CSF3R: variants seen among roughly 807,000 people sequenced by gnomAD.
CSF3R encodes the protein granulocyte colony-stimulating factor receptor.
Under a neutral mutation model 84.4 loss-of-function variants are expected in CSF3R, and 52 were observed. The observed-to-expected ratio is 0.62, with a 90% CI of 0.49 to 0.78. The LOEUF is 0.78. CSF3R is among the 30% of genes least tolerant of loss of function. The pLI, the probability that CSF3R is intolerant of heterozygous loss-of-function variation, is 0.00. For missense variants in CSF3R, 890 were observed against 1,055.7 expected, an observed-to-expected ratio of 0.84 and a Z score of 2.17; for synonymous variants, 384 against 429.1, an observed-to-expected ratio of 0.89 and a Z score of 1.30.
At chr1:36,478,184 T>G (rs1651283582) in intron 3 of CSF3R, among the ~76,000 whole-genome samples, 1 of 152,176 alleles carries the variant, frequency 6.6e-6, no homozygotes, top group South Asian at 2.1e-4. Flanking sequence ...ACTAAAGATG[T>G]TTCTTACATT....
chr1:36,482,560 C>G (rs1651598086), intron 1 of CSF3R, among the ~76,000 whole-genome samples: 1 of 152,130 alleles, frequency 6.6e-6, no homozygotes, highest in Non-Finnish European at 1.5e-5. Context: ...ATGCCTGTCC[C>G]CAGCCCAGCT....
Position 36,466,345 on chromosome 1 carries a change from C to T in CSF3R, c.*12G>A. On this transcript the variant is annotated 3_prime_UTR_variant, in exon 17 of 17. Transcript: ENST00000373106. This position sits in a 1 kb window ranked among gnomAD's most constrained non-coding sequence, Gnocchi z 4.6. ...TTAAGAGGCAGGCCCAAGAAGGGAACCCCAGGAAGCCCTAGAAGCTCCCCA... is the reference window on the plus strand; with the variant it reads ...TTAAGAGGCAGGCCCAAGAAGGGAATCCCAGGAAGCCCTAGAAGCTCCCCA... The T allele has an allele frequency of 2.5e-6, 4 of 1,612,430 alleles. No individual in the cohort carries two copies. Among genetic ancestry groups the T allele is most frequent in the African/African-American group, 2.7e-5 (2 of 74,978 alleles).
chr1:36,473,390 T>C, intron 6 of CSF3R, 45 bp downstream of exon 6: 2 of 1,605,110 alleles, frequency 1.2e-6, no homozygotes, highest in Non-Finnish European at 8.5e-7. Context: ...TTCCTCTCAG[T>C]GTCTGCCCAT....
Position 36,467,229 on chromosome 1 carries a change from CCT to C in CSF3R, c.2039_2040del (p.Glu680GlyfsTer23), listed in dbSNP as rs1420932797. The stretch of plus-strand genomic sequence containing the variant: ...TTTCCCTCTCCCTCCTGGATTCTCA[CCT>C]CCTCCATGATTGTGGGCACCCAGGA... ...LGSWVPTIME[E>X]DAFQLPGLGT... On this transcript the variant is annotated frameshift_variant and splice_region_variant, in exon 16 of 17. Coordinates refer to ENST00000373106, the MANE Select transcript of CSF3R (RefSeq NM_000760.4). LOFTEE classifies it low-confidence loss of function (END_TRUNC). This position sits in a 1 kb window ranked among gnomAD's most constrained non-coding sequence, Gnocchi z 4.1. 6.2e-7 allele frequency: 1 copy of C among 1,614,160 alleles called. No homozygotes were observed. The highest frequency in any genetic ancestry group is 8.5e-7 in the Non-Finnish European group (1 of 1,179,976).
intron 3 of CSF3R, among the ~76,000 whole-genome samples, chr1:36,478,182 T>A (rs1217770034): frequency 3.3e-5 from 5 of 152,214 alleles, no homozygotes; most frequent in Non-Finnish European, 5.9e-5. Flanking sequence ...CAACTAAAGA[T>A]GTTTCTTACA....
chr1:36,469,357 A>G (rs1650554431), intron 11 of CSF3R, 100 bp from the exon 12 acceptor site: 1 of 950,444 alleles, frequency 1.1e-6, no homozygotes, highest in Non-Finnish European at 1.7e-6. Flanking sequence ...ACCTGGCCTC[A>G]TGATTCAGGG....
chr1:36,476,614 C>A (rs3917946), intron 3 of CSF3R, among the ~76,000 whole-genome samples: 4,150 of 151,200 alleles, frequency 0.027, 156 homozygotes, highest in African/African-American at 0.095. Flanking sequence ...GGATCTTTGT[C>A]CCTGCTGTTT....
In CSF3R at chr1:36,472,220, C is replaced by T. The variant is rs763592949; in HGVS notation, c.997+18G>A. 11 of 1,614,196 alleles carry T rather than the reference C, an allele frequency of 6.8e-6. No homozygotes were observed. The South Asian group carries it at 1.2e-4, about 18-fold the overall frequency. On this transcript the variant is annotated intron_variant, in intron 8 of 16. Coordinates refer to ENST00000373106, the MANE Select transcript of CSF3R (RefSeq NM_000760.4). The surrounding 1 kb of genome is among the most constrained non-coding windows in gnomAD (Gnocchi z 5.0). ...CTGGATACTGTTGGCTGCTCCCAGC[C>T]TCTCATCACCTCCTTACCCCGTTCG...
chr1:36,469,398 T>C, intron 11 of CSF3R, 141 bp from the exon 12 acceptor site: 1 of 791,360 alleles, frequency 1.3e-6, no homozygotes. Flanking sequence ...TTTAGATCAT[T>C]TGATGAGAAT....
In CSF3R at chr1:36,468,083, TG is replaced by T. The variant is rs1378584208; in HGVS notation, c.1714del (p.Gln572SerfsTer7). On this transcript the variant is annotated frameshift_variant, in exon 13 of 17. Coordinates refer to ENST00000373106, the MANE Select transcript of CSF3R (RefSeq NM_000760.4). LOFTEE classifies it high-confidence loss of function. Reference sequence around the variant, plus strand: ...ACTGAGGATAGACTCACAGAAGGACTGGTTCTGAGCGTTGGTCCAGAAGATG... The same window carrying T: ...ACTGAGGATAGACTCACAGAAGGACTGTTCTGAGCGTTGGTCCAGAAGATG... ...YTIFWTNAQN[Q>X]SFSAILNASS... The T allele has an allele frequency of 6.2e-7, 1 of 1,614,246 alleles. No homozygotes were observed. The highest frequency in any genetic ancestry group is 8.5e-7 in the Non-Finnish European group (1 of 1,180,044).
In CSF3R at chr1:36,472,046, T is replaced by C; in HGVS notation, c.1071+20A>G. ...TGCGGGAGGTGTCGAGGTGGAGGGA[T>C]GGCCTTCAGAGGGAGTCACCTTCCA... On this transcript the variant is annotated intron_variant, in intron 9 of 16. Transcript: ENST00000373106. This position sits in a 1 kb window ranked among gnomAD's most constrained non-coding sequence, Gnocchi z 5.0. 3.1e-6 allele frequency: 5 copies of C among 1,611,892 alleles called. No homozygotes were observed. Among genetic ancestry groups the C allele is most frequent in the Non-Finnish European group, 4.2e-6 (5 of 1,179,380 alleles).
chr1:36,470,995 G>T (rs1284148734), intron 10 of CSF3R, among the ~76,000 whole-genome samples: 2 of 152,188 alleles, frequency 1.3e-5, no homozygotes, highest in Non-Finnish European at 2.9e-5. Context: ...CCGGGGATGG[G>T]AGGTAACTTA....
intron 1 of CSF3R, among the ~76,000 whole-genome samples, chr1:36,482,482 G>T (rs1651592187): frequency 6.6e-6 from 1 of 152,130 alleles, no homozygotes; most frequent in Non-Finnish European, 1.5e-5. Flanking sequence ...ACGGGGAGGG[G>T]TTGCGCGGCT....
chr1:36,467,263 G>A lies in CSF3R; in HGVS notation c.2007C>T (p.Ser669=). 3 of 1,614,228 alleles carry A rather than the reference G, an allele frequency of 1.9e-6. No individual in the cohort carries two copies. Among genetic ancestry groups the A allele is most frequent in the Non-Finnish European group, 1.7e-6 (2 of 1,180,044 alleles). The change falls in exon 16 of 17, where the codon AGC becomes AGT. Residue 669 remains serine (S), a synonymous_variant. Transcript: ENST00000373106. This position sits in a 1 kb window ranked among gnomAD's most constrained non-coding sequence, Gnocchi z 4.1. ...TGATTGTGGGCACCCAGGAGCCCAG[G>A]CTGCTGTGAGCTGGGTCTGGGACAC... is the stretch of plus-strand genomic sequence containing the variant. ...WPSVPDPAHS[S]LGSWVPTIME...
At position 36,466,137 on chromosome 1, in the gene CSF3R, T is replaced by A; in HGVS notation, c.*220A>T. ...ATAGGAAACAAGCACAAAAGGCCAT[T>A]GGGTGGGGCTGGATGGAGCATGATC... On this transcript the variant is annotated 3_prime_UTR_variant, in exon 17 of 17. Transcript: ENST00000373106. The surrounding 1 kb of genome is among the most constrained non-coding windows in gnomAD (Gnocchi z 4.6). 1 of 1,613,974 alleles carries A rather than the reference T, an allele frequency of 6.2e-7. No homozygotes were observed. Among genetic ancestry groups the A allele is most frequent in the Non-Finnish European group, 8.5e-7 (1 of 1,179,994 alleles).
At chr1:36,475,749 C>T (rs1291812968) in intron 3 of CSF3R, 76 bp from the exon 4 acceptor site, 1 of 1,426,282 alleles carries the variant, frequency 7.0e-7, no homozygotes, top group Admixed American at 2.2e-5. Context: ...CCTTTGTACT[C>T]CTAGACTCAG....
intron 1 of CSF3R, among the ~76,000 whole-genome samples, chr1:36,482,414 C>T (rs2124162962): frequency 6.6e-6 from 1 of 151,870 alleles, no homozygotes; most frequent in South Asian, 2.1e-4. Flanking sequence ...AGAGAGATAG[C>T]AAGCCAGAGA....
In CSF3R at chr1:36,473,858, A is replaced by G. The variant is rs1391986128; in HGVS notation, c.391T>C (p.Cys131Arg). The change falls in exon 5 of 17, where the codon TGC becomes CGC. Residue 131 changes from cysteine to arginine, a missense_variant. Transcript: ENST00000373106. ...YPPAIPHNLS[C>R]LMNLTTSSLI... Reference sequence around the variant, plus strand: ...CTGCTGGTTGTGAGGTTCATGAGGCAGGAGAGGTTGTGGGGTATGGCTGGA... The same window carrying G: ...CTGCTGGTTGTGAGGTTCATGAGGCGGGAGAGGTTGTGGGGTATGGCTGGA... 6.2e-7 allele frequency: 1 copy of G among 1,614,176 alleles called. No homozygotes were observed.
In CSF3R at chr1:36,467,944, G is replaced by A. The variant is rs1650442586; in HGVS notation, c.1742C>T (p.Ser581Phe). Residue 581 changes from serine (S) to phenylalanine (F), a missense_variant, in exon 14 of 17, where the codon TCC becomes TTC. Transcript: ENST00000373106. The surrounding 1 kb of genome is among the most constrained non-coding windows in gnomAD (Gnocchi z 4.1). ...GCCATGGAGGACAAAGCCACGGGAGGAGGCATTCAGGATGGCGGCTGGGAG... is the reference window on the plus strand; with the variant it reads ...GCCATGGAGGACAAAGCCACGGGAGAAGGCATTCAGGATGGCGGCTGGGAG... ...NQSFSAILNASSRGFVLHGLE... is the reference protein window; with the variant it reads ...NQSFSAILNAFSRGFVLHGLE... 2 of 1,614,202 alleles carry A rather than the reference G, an allele frequency of 1.2e-6. No individual in the cohort carries two copies. The highest frequency in any genetic ancestry group is 1.6e-4 in the Middle Eastern group (1 of 6,062).
Sources: allele counts gnomAD v4.1 joint callset (sites outside exome capture counted in the v4.1 genomes callset), GRCh38; gene constraint gnomAD v4.1.1; non-coding constraint Gnocchi (gnomAD v3.1); transcripts MANE v1.5; gene names NCBI Gene and HGNC (gene_info 2026-07-23, HGNC 2026-07-21).